The following ADAM7 variants were observed in gnomAD, a reference collection of about 807,000 sequenced individuals.
The protein encoded by ADAM7 is disintegrin and metalloproteinase domain-containing protein 7.
In ADAM7, 97 loss-of-function variants were observed where a neutral mutation model predicts 102.9. The ratio of observed to expected loss-of-function variants is 0.94; its 90% confidence interval spans 0.80 to 1.12. The LOEUF (loss-of-function observed/expected upper bound fraction) is 1.12. Among genes scored for constraint, ADAM7 ranks in the 50% most tolerant of loss-of-function variants. ADAM7 has a pLI of 0.00. For missense variants in ADAM7, 991 were observed against 908.7 expected, an observed-to-expected ratio of 1.09 and a Z score of -1.16; for synonymous variants, 334 against 304.4, an observed-to-expected ratio of 1.10 and a Z score of -1.01.
At chr8:24,467,110 A>T (rs1819453532) in intron 6 of ADAM7, 122 bp downstream of exon 6, 1 of 989,166 alleles carries the variant, frequency 1.0e-6, no homozygotes, top group South Asian at 1.6e-5. Flanking sequence ...CTGGCACTTC[A>T]TCTGATATTT....
rs867183559 is a variant in ADAM7 at position 24,499,272 on chromosome 8, G to A, written c.1879G>A (p.Val627Ile). Residue 627 changes from valine (V) to isoleucine (I), a missense_variant, in exon 17 of 22, where the codon GTC becomes ATC. Transcript: ENST00000175238. ...NNGECLNMEK[V>I]YISTNCPSQC... ...TGGTGAATGTCTAAACATGGAAAAGGTCTATATCTCAACCAATTGCCCCTC... is the reference window on the plus strand; with the variant it reads ...TGGTGAATGTCTAAACATGGAAAAGATCTATATCTCAACCAATTGCCCCTC... 3.9e-5 allele frequency: 62 copies of A among 1,607,400 alleles called. 1 individual carries two copies. The Middle Eastern group carries it at 5.6e-3, about 145-fold the overall frequency.
chr8:24,449,067 G>T (rs1294644130), intron 3 of ADAM7, among the ~76,000 whole-genome samples: 4 of 152,198 alleles, frequency 2.6e-5, no homozygotes, highest in East Asian at 1.9e-4. Flanking sequence ...GGACATGTGG[G>T]TTGGTTCCAA....
chr8:24,482,799 T>C (rs1820005474), intron 9 of ADAM7, among the ~76,000 whole-genome samples: 1 of 152,168 alleles, frequency 6.6e-6, no homozygotes, highest in African/African-American at 2.4e-5. Flanking sequence ...ATAATCTTTC[T>C]TTCTAATATT....
At chr8:24,460,914 G>C (rs1819218698) in intron 3 of ADAM7, among the ~76,000 whole-genome samples, 1 of 151,734 alleles carries the variant, frequency 6.6e-6, no homozygotes, top group Non-Finnish European at 1.5e-5. Flanking sequence ...TTTTTCATGT[G>C]TTACAATTTC....
At chr8:24,447,139 A>G (rs748116128) in intron 2 of ADAM7, 47 bp from the exon 3 acceptor site, 3 of 1,154,752 alleles carry the variant, frequency 2.6e-6, no homozygotes, top group Non-Finnish European at 2.5e-6. Flanking sequence ...TCCAGAACAC[A>G]CTAAATGAGC....
rs768949728 is a variant in ADAM7, at chr8:24,489,257, A to G, written c.1190A>G (p.Tyr397Cys). 1 of 1,613,626 alleles carries G rather than the reference A, an allele frequency of 6.2e-7. No homozygotes were observed. Among genetic ancestry groups the G allele is most frequent in the Non-Finnish European group, 8.5e-7 (1 of 1,179,702 alleles). Residue 397 changes from tyrosine to cysteine, a missense_variant, in exon 12 of 22, where the codon TAC becomes TGC. Physicochemically the swap from Tyr to Cys is radical, Grantham distance 194 (BLOSUM62 -2). Transcript: ENST00000175238. ...PTCMLNIPFPYNFHDFQFCGN... is the reference protein window; with the variant it reads ...PTCMLNIPFPCNFHDFQFCGN... ...TGCATGCTCAACATTCCATTTCCTT[A>G]CAATTTTCATGATTTCCAATTTTGT... is the stretch of plus-strand genomic sequence containing the variant.
intron 9 of ADAM7, 65 bp downstream of exon 9, chr8:24,482,376 A>T: frequency 1.4e-6 from 2 of 1,455,814 alleles, no homozygotes; most frequent in Non-Finnish European, 1.8e-6. Context: ...ACAAAAAAAA[A>T]TTAACAGAAA....
chr8:24,445,756 T>C (rs1276264013), intron 2 of ADAM7, among the ~76,000 whole-genome samples: 1 of 152,230 alleles, frequency 6.6e-6, no homozygotes, highest in Non-Finnish European at 1.5e-5. Flanking sequence ...TTTGACTTAC[T>C]AGGTTGAACA....
chr8:24,446,406 C>A (rs974173162), intron 2 of ADAM7, among the ~76,000 whole-genome samples: 2 of 152,040 alleles, frequency 1.3e-5, no homozygotes, highest in African/African-American at 4.8e-5. Context: ...GAAACAGAAA[C>A]TGCTATAAAT....
intron 3 of ADAM7, among the ~76,000 whole-genome samples, chr8:24,451,794 T>A (rs1245748845): frequency 6.6e-6 from 1 of 150,778 alleles, no homozygotes; most frequent in African/African-American, 2.4e-5. Context: ...TTTAGTGCTA[T>A]AAATTTCCCT....
intron 16 of ADAM7, among the ~76,000 whole-genome samples, chr8:24,497,106 T>C (rs1477058196): frequency 2.6e-5 from 4 of 152,176 alleles, no homozygotes; most frequent in African/African-American, 9.7e-5. Flanking sequence ...TCATGAGATC[T>C]GATGGTTATT....
At chr8:24,463,132 T>G (rs1363321627) in intron 3 of ADAM7, among the ~76,000 whole-genome samples, 13 of 152,142 alleles carry the variant, frequency 8.5e-5, no homozygotes, top group Admixed American at 8.5e-4. Context: ...ATGAATATCT[T>G]TTGAAGTGTG....
chr8:24,459,781 A>T (rs1455951416), intron 3 of ADAM7, among the ~76,000 whole-genome samples: 1 of 152,144 alleles, frequency 6.6e-6, no homozygotes, highest in Non-Finnish European at 1.5e-5. Flanking sequence ...TAGCTTTGTG[A>T]ATAATTGTAA....
rs552282508 is a variant in ADAM7, at chr8:24,467,541, T to G, written c.579+553T>G. The G allele has an allele frequency of 1.3e-3, 195 of 154,222 alleles. 1 individual carries two copies. The highest frequency in any genetic ancestry group is 4.5e-3 in the African/African-American group (186 of 41,608). 9.6% of individuals were successfully genotyped at this position (154,222 alleles called of 1,614,324 possible). A position where few individuals can be genotyped will look rare whatever the true frequency, so the allele number is the denominator to read the frequency against. On this transcript the variant is annotated intron_variant, in intron 6 of 21. Coordinates refer to ENST00000175238, the MANE Select transcript of ADAM7 (RefSeq NM_003817.4). ...GTAAGCTACTTGGTTGTTTTTCTTC[T>G]TCGTATGTCCATGATTTGTATAGTG...
Position 24,508,180 on chromosome 8 carries a change from G to GA in ADAM7, c.*-365dup. Among the ~76,000 whole-genome samples, 2 of 152,190 alleles carry GA rather than the reference G, an allele frequency of 1.3e-5. 1 individual carries two copies. The highest frequency in any genetic ancestry group is 6.8e-3 in the Middle Eastern group (2 of 294). ...GATTCCTTCCACAAAGCGTTCTTATGAGGTGTAATAAGATACACCGCCCAC... is the reference window on the plus strand; with the variant it reads ...GATTCCTTCCACAAAGCGTTCTTATGAAGGTGTAATAAGATACACCGCCCAC... On this transcript the variant is annotated intron_variant, in intron 21 of 21. Transcript: ENST00000175238.
chr8:24,495,075 A>T (rs1179942923), intron 16 of ADAM7, among the ~76,000 whole-genome samples: 1 of 152,140 alleles, frequency 6.6e-6, no homozygotes, highest in East Asian at 1.9e-4. Context: ...AGTGTCATGA[A>T]AGTATGTGAG....
At chr8:24,471,193 T>C (rs1819590898) in intron 7 of ADAM7, among the ~76,000 whole-genome samples, 2 of 152,106 alleles carry the variant, frequency 1.3e-5, no homozygotes, top group South Asian at 4.1e-4. Flanking sequence ...GATTTTAAAC[T>C]GATGTCTAAA....
At chr8:24,472,040 T>A (rs1320491166) in intron 7 of ADAM7, among the ~76,000 whole-genome samples, 6 of 142,638 alleles carry the variant, frequency 4.2e-5, no homozygotes, top group Non-Finnish European at 7.6e-5. Flanking sequence ...TTATTTGAGA[T>A]AAATTGGGGA....
At chr8:24,455,610 T>C (rs999590208) in intron 3 of ADAM7, among the ~76,000 whole-genome samples, 3 of 152,206 alleles carry the variant, frequency 2.0e-5, no homozygotes, top group African/African-American at 7.2e-5. Flanking sequence ...TTCACCCTGT[T>C]ATCCAGGCTG....
Sources: gnomAD v4.1 joint callset for allele counts (sites outside exome capture counted in the v4.1 genomes callset) on GRCh38, gnomAD v4.1.1 for gene constraint, MANE v1.5 for transcripts, NCBI Gene and HGNC (gene_info 2026-07-23, HGNC 2026-07-21) for gene names.